Variants in ADAMTSL3 observed in about 807,000 individuals in gnomAD.
The protein encoded by ADAMTSL3 is ADAMTS like 3.
ADAMTSL3 carries 128 observed loss-of-function variants against 201.7 expected under a neutral mutation model. The ratio of observed to expected loss-of-function variants is 0.63; its 90% CI spans 0.55 to 0.73. The LOEUF (loss-of-function observed/expected upper bound fraction) is 0.73. Among genes scored for constraint, ADAMTSL3 ranks in the 30% least tolerant of loss-of-function variants. ADAMTSL3 has a pLI of 0.00. For synonymous variants in ADAMTSL3, 738 were observed against 748.4 expected, an observed-to-expected ratio of 0.99 and a Z score of 0.23; for missense variants, 1,990 against 2,119.6, an observed-to-expected ratio of 0.94 and a Z score of 1.20.
chr15:84,020,849 T>A (rs1270569636), intron 25 of ADAMTSL3, among the ~76,000 whole-genome samples: 1 of 152,254 alleles, frequency 6.6e-6, no homozygotes, highest in Non-Finnish European at 1.5e-5. Flanking sequence ...TCTTCAGATG[T>A]CTCTGTGACA....
At chr15:83,958,142 G>T (rs1430749364) in intron 19 of ADAMTSL3, among the ~76,000 whole-genome samples, 1 of 152,160 alleles carries the variant, frequency 6.6e-6, no homozygotes, top group African/African-American at 2.4e-5. Flanking sequence ...GAGAGACAGG[G>T]CCAAGAGTTG....
intron 2 of ADAMTSL3, among the ~76,000 whole-genome samples, chr15:83,658,017 A>C (rs2141350589): frequency 6.6e-6 from 1 of 152,330 alleles, no homozygotes; most frequent in Non-Finnish European, 1.5e-5. Context: ...ATGTGCTGCC[A>C]CCAAGGTGGT....
At chr15:83,942,482 A>G (rs1315505319) in intron 17 of ADAMTSL3, 114 bp from the exon 18 acceptor site, 2 of 890,374 alleles carry the variant, frequency 2.2e-6, no homozygotes, top group Non-Finnish European at 3.4e-6. Flanking sequence ...TAGAATCTGT[A>G]TACAGGGTGT....
chr15:83,911,999 T>C (rs1596394713), intron 15 of ADAMTSL3, among the ~76,000 whole-genome samples: 1 of 152,254 alleles, frequency 6.6e-6, no homozygotes, highest in East Asian at 1.9e-4. Context: ...AGTTTTGCAG[T>C]GAATAAATCT....
At chr15:83,966,532 A>G (rs2067091348) in intron 19 of ADAMTSL3, among the ~76,000 whole-genome samples, 4 of 152,210 alleles carry the variant, frequency 2.6e-5, no homozygotes, top group Admixed American at 2.6e-4. Context: ...TGAGACAGTA[A>G]TTAATAGCCT....
intron 3 of ADAMTSL3, among the ~76,000 whole-genome samples, chr15:83,751,575 T>C (rs2141672650): frequency 6.6e-6 from 1 of 152,278 alleles, no homozygotes; most frequent in East Asian, 1.9e-4. Flanking sequence ...TGTGTTTGTG[T>C]CCTTTCCAAG....
rs768499941 is a variant in ADAMTSL3, at chr15:84,031,326, T to G, written c.4657-9T>G. 6.2e-7 allele frequency: 1 copy of G among 1,613,400 alleles called. No individual in the cohort carries two copies. Among genetic ancestry groups the G allele is most frequent in the Non-Finnish European group, 8.5e-7 (1 of 1,179,772 alleles). On this transcript the variant is annotated splice_polypyrimidine_tract_variant and intron_variant, in intron 27 of 29. Transcript: ENST00000286744. ...AGGATTTACACTGCACTGTGCTTTT[T>G]TGTTCCAGTGTCCTGGACGTTGCAT... is the stretch of plus-strand genomic sequence containing the variant.
intron 4 of ADAMTSL3, among the ~76,000 whole-genome samples, chr15:83,775,844 G>A (rs1221206221): frequency 6.6e-6 from 1 of 152,136 alleles, no homozygotes; most frequent in East Asian, 1.9e-4. Flanking sequence ...CCTCAGCTCT[G>A]AGACTGCTAG....
chr15:83,963,980 G>A (rs957437011), intron 19 of ADAMTSL3, among the ~76,000 whole-genome samples: 2 of 152,240 alleles, frequency 1.3e-5, no homozygotes, highest in African/African-American at 4.8e-5. Flanking sequence ...CAAAAAGGAT[G>A]TCCACACAGA....
intron 19 of ADAMTSL3, chr15:83,945,730 C>T (rs1195439347): frequency 6.6e-6 from 1 of 152,186 alleles, no homozygotes; most frequent in South Asian, 2.1e-4. Flanking sequence ...CTCCTTGCTA[C>T]ACTTAGTGTG....
chr15:83,669,181 G>A (rs75474871), intron 2 of ADAMTSL3, among the ~76,000 whole-genome samples: 11,247 of 152,116 alleles, frequency 0.074, 577 homozygotes, highest in East Asian at 0.18. Flanking sequence ...AGTCTCACTC[G>A]GCTGCCCAGC....
intron 7 of ADAMTSL3, among the ~76,000 whole-genome samples, chr15:83,838,726 T>G (rs73439447): frequency 0.016 from 2,482 of 152,334 alleles, 74 homozygotes; most frequent in African/African-American, 0.055. Context: ...TAATTGACTT[T>G]CAATTTTGTG....
At chr15:83,708,968 A>G (rs1280736294) in intron 3 of ADAMTSL3, among the ~76,000 whole-genome samples, 1 of 152,176 alleles carries the variant, frequency 6.6e-6, no homozygotes, top group Non-Finnish European at 1.5e-5. Flanking sequence ...CTCCAAACCC[A>G]AGGCTCTCCT....
intron 5 of ADAMTSL3, among the ~76,000 whole-genome samples, chr15:83,806,981 C>A (rs761056055): frequency 4.8e-4 from 73 of 151,906 alleles, no homozygotes; most frequent in Admixed American, 2.0e-3. Flanking sequence ...TTACAAAATG[C>A]CAGAAAAAGA....
intron 3 of ADAMTSL3, among the ~76,000 whole-genome samples, chr15:83,720,200 CAG>C (rs1456474934): frequency 6.6e-6 from 1 of 152,134 alleles, no homozygotes; most frequent in East Asian, 1.9e-4. Context: ...GCCTGGGTGT[CAG>C]AGAGAGACTC....
At chr15:83,695,228 ATGTGTGTGTGTGTGTGTGTGTGTG>A in intron 2 of ADAMTSL3, among the ~76,000 whole-genome samples, 1 of 506 alleles carries the variant, frequency 2.0e-3, no homozygotes, top group Admixed American at 0.024. Flanking sequence ...TGTGTGTGTA[ATGTGTGTGTGTGTGTGTGTGTGTG>A]TGTGTGTGTG....
intron 8 of ADAMTSL3, chr15:83,861,401 G>A: frequency 6.3e-6 from 1 of 157,890 alleles, no homozygotes; most frequent in African/African-American, 2.4e-5. Context: ...AGCTCACACG[G>A]CCAGGTACTC....
At position 83,927,297 on chromosome 15, in the gene ADAMTSL3, C is replaced by T. The variant is rs564524040; in HGVS notation, c.2117+3264C>T. On this transcript the variant is annotated intron_variant, in intron 17 of 29. Coordinates refer to ENST00000286744, the MANE Select transcript of ADAMTSL3 (RefSeq NM_207517.3). The stretch of plus-strand genomic sequence containing the variant: ...ACACCCAGCTAATTTTTGTATTTTT[C>T]GTAGAGATGGGATTTTGCCATGTTG... Among the ~76,000 whole-genome samples the T allele has an allele frequency of 2.1e-4, 32 of 151,836 alleles. No homozygotes were observed. The South Asian group carries it at 2.7e-3, about 13-fold the overall frequency.
chr15:83,991,256 G>A (rs748252161), intron 23 of ADAMTSL3, 42 bp downstream of exon 23: 3 of 1,612,650 alleles, frequency 1.9e-6, no homozygotes, highest in Non-Finnish European at 1.7e-6. Context: ...TCAGTGGGAG[G>A]TAAGTGTGGC....
Sources: gnomAD v4.1 joint callset for allele counts (sites outside exome capture counted in the v4.1 genomes callset) on GRCh38, gnomAD v4.1.1 for gene constraint, MANE v1.5 for transcripts, NCBI Gene and HGNC (gene_info 2026-07-23, HGNC 2026-07-21) for gene names.